Variants in MYH2 observed in about 807,000 individuals in gnomAD.
MYH2 encodes the protein myosin heavy chain 2.
MYH2 carries 139 observed loss-of-function variants against 228.1 expected under a neutral mutation model. That is an observed-to-expected ratio of 0.61 (90% confidence interval 0.53 to 0.70). MYH2 has a LOEUF of 0.70. Ranked by LOEUF, MYH2 falls within the 30% of genes least tolerant of loss-of-function variation. The probability of loss-of-function intolerance (pLI) is 0.00; values close to 1 mark genes in which losing one functional copy is unlikely to be tolerated. For synonymous variants in MYH2, 796 were observed against 871.1 expected (o/e 0.91, Z 1.52); for missense variants, 1,809 against 2,357.5 (o/e 0.77, Z 4.82).
rs1355007041 is a variant in MYH2 at position 10,521,201 on chromosome 17, A to G, written c.*79T>C. 2 of 1,532,812 alleles carry G rather than the reference A, an allele frequency of 1.3e-6. No individual in the cohort carries two copies. Among genetic ancestry groups the G allele is most frequent in the Non-Finnish European group, 1.8e-6 (2 of 1,108,310 alleles). The allele number at this position is 1,532,812 out of a possible 1,614,324, so 95.0% of individuals were successfully genotyped here. ...TTTCCTTTGCAACAGGGTAGAATAC[A>G]CAATAATTACAGAGGGAAATGACCA... On this transcript the variant is annotated 3_prime_UTR_variant, in exon 40 of 40. Transcript: ENST00000245503.
Position 10,524,233 on chromosome 17 carries a change from T to C in MYH2, c.5175+233A>G, listed in dbSNP as rs1310758146. ...TTGATAATGAGGGCCAATAAAGATATTAACACAATAGAATACGGGGGCAGC... is the reference window on the plus strand; with the variant it reads ...TTGATAATGAGGGCCAATAAAGATACTAACACAATAGAATACGGGGGCAGC... On this transcript the variant is annotated intron_variant, in intron 35 of 39. Coordinates refer to ENST00000245503, the MANE Select transcript of MYH2 (RefSeq NM_017534.6). This position sits in a 1 kb window ranked among gnomAD's most constrained non-coding sequence, Gnocchi z 4.7. 6.6e-6 allele frequency among the ~76,000 whole-genome samples: 1 copy of C among 152,142 alleles called. No homozygotes were observed. The highest frequency in any genetic ancestry group is 1.5e-5 in the Non-Finnish European group (1 of 68,024).
At position 10,537,353 on chromosome 17, in the gene MYH2, T is replaced by C; in HGVS notation, c.1777A>G (p.Ile593Val). Residue 593 changes from isoleucine (I) to valine (V), a missense_variant, in exon 16 of 40, where the codon ATT becomes GTT. Ile to Val is a conservative substitution (Grantham distance 29). Around this residue, in one of 9 missense-constraint regions of MYH2, gnomAD observed 41 missense variants for 35.1 expected, o/e 1.17. Transcript: ENST00000245503. This position sits in a 1 kb window ranked among gnomAD's most constrained non-coding sequence, Gnocchi z 4.0. ...IHYAGVVDYN[I>V]TGWLEKNKDP... ...TTGTTCTTCTCCAGCCAGCCAGTAA[T>C]GTTGTAGTCCACAACACCAGCATAG... is the stretch of plus-strand genomic sequence containing the variant. 10 of 1,614,220 alleles carry C rather than the reference T, an allele frequency of 6.2e-6. No homozygotes were observed. Among genetic ancestry groups the C allele is most frequent in the Non-Finnish European group, 8.5e-6 (10 of 1,180,046 alleles).
At chr17:10,536,438 C>A in intron 17 of MYH2, 92 bp downstream of exon 17, 1 of 1,031,924 alleles carries the variant, frequency 9.7e-7, no homozygotes, top group Non-Finnish European at 1.5e-6. Flanking sequence ...ATAAATATAT[C>A]CTTAGAACAA....
Position 10,533,327 on chromosome 17 carries a change from C to G in MYH2, c.2399G>C (p.Gly800Ala), listed in dbSNP as rs1270329583. The G allele has an allele frequency of 6.2e-7, 1 of 1,614,216 alleles. No homozygotes were observed. The highest frequency in any genetic ancestry group is 8.5e-7 in the Non-Finnish European group (1 of 1,180,024). The change falls in exon 21 of 40, where the codon GGG becomes GCG. Residue 800 changes from glycine to alanine, a missense_variant. By Grantham distance (60) the Gly-to-Ala change is moderately conservative. Around this residue, in one of 9 missense-constraint regions of MYH2, gnomAD observed 276 missense variants for 344.2 expected, o/e 0.80. Coordinates refer to ENST00000245503, the MANE Select transcript of MYH2 (RefSeq NM_017534.6). Reference protein sequence around the residue: ...LITRTQARCRGFLARVEYQRM... With the variant: ...LITRTQARCRAFLARVEYQRM... ...CTGGTACTCCACTCTTGCCAAGAAC[C>G]CTCTGCACCTGGCCTGGGTTCGGGT...
At position 10,524,726 on chromosome 17, in the gene MYH2, A is replaced by C. The variant is rs368674569; in HGVS notation, c.4971+31T>G. 1.2e-6 allele frequency: 2 copies of C among 1,614,214 alleles called. No homozygotes were observed. Among genetic ancestry groups the C allele is most frequent in the Non-Finnish European group, 1.7e-6 (2 of 1,180,036 alleles). ...TTCTCAGGGTTGCAGGCACCCCAAT[A>C]GTCCTGGGACCATCTCTTGGACATA... On this transcript the variant is annotated intron_variant, in intron 34 of 39. Transcript: ENST00000245503. The surrounding 1 kb of genome is among the most constrained non-coding windows in gnomAD (Gnocchi z 4.7).
chr17:10,538,477 T>TA (rs898917319), intron 14 of MYH2, among the ~76,000 whole-genome samples: 4 of 151,360 alleles, frequency 2.6e-5, no homozygotes, highest in East Asian at 1.9e-4. Context: ...TCGTCTCTAC[T>TA]AAAAAAAATA....
intron 17 of MYH2, among the ~76,000 whole-genome samples, chr17:10,535,821 A>T (rs1344957578): frequency 6.6e-6 from 1 of 152,194 alleles, no homozygotes; most frequent in Non-Finnish European, 1.5e-5. Context: ...GATAGAGATT[A>T]TCTACAGGGG....
In MYH2 at chr17:10,533,629, G is replaced by A. The variant is rs1381254716; in HGVS notation, c.2184C>T (p.Tyr728=). 1.2e-6 allele frequency: 2 copies of A among 1,614,054 alleles called. No homozygotes were observed. Among genetic ancestry groups the A allele is most frequent in the South Asian group, 1.1e-5 (1 of 91,076 alleles). ...RILYADFKQR[Y]KVLNASAIPE... ...GGATTGCACTTGCATTTAATACCTT[G>A]TATCTGTTGAAGTACATATAGCTTT... Residue 728 remains tyrosine, a synonymous_variant, in exon 20 of 40, where the codon TAC becomes TAT. Transcript: ENST00000245503.
Position 10,529,187 on chromosome 17 carries a change from A to G in MYH2, c.3329T>C (p.Leu1110Ser). Residue 1110 changes from leucine (L) to serine (S), a missense_variant, in exon 26 of 40, where the codon TTG becomes TCG. Physicochemically the swap from Leu to Ser is moderately radical, Grantham distance 145 (BLOSUM62 -2). This residue lies in a region of MYH2 where 636 missense variants were observed against 729.9 expected (regional missense o/e 0.87). Coordinates refer to ENST00000245503, the MANE Select transcript of MYH2 (RefSeq NM_017534.6). ...IEDEQALGIQ[L>S]QKKIKELQAR... ...TTGCAATTCTTTAATTTTCTTCTGC[A>G]ATTGAATGCCAAGTGCCTGTTCATC... 1 of 1,614,240 alleles carries G rather than the reference A, an allele frequency of 6.2e-7. No individual in the cohort carries two copies. The highest frequency in any genetic ancestry group is 8.5e-7 in the Non-Finnish European group (1 of 1,180,050).
At chr17:10,540,505 T>C (rs2073538295) in intron 11 of MYH2, 89 bp downstream of exon 11, 8 of 1,144,032 alleles carry the variant, frequency 7.0e-6, no homozygotes, top group Non-Finnish European at 1.0e-5. Context: ...AATCTTCTTT[T>C]GCCATTTCTA....
rs1411302335 is a variant in MYH2 at position 10,526,767 on chromosome 17, T to C, written c.4019A>G (p.Gln1340Arg). 1.2e-6 allele frequency: 2 copies of C among 1,614,132 alleles called. No individual in the cohort carries two copies. The highest frequency in any genetic ancestry group is 2.7e-5 in the African/African-American group (2 of 74,942). Residue 1340 changes from glutamine (Q) to arginine (R), a missense_variant, in exon 30 of 40, where the codon CAG becomes CGG. Coordinates refer to ENST00000245503, the MANE Select transcript of MYH2 (RefSeq NM_017534.6). ...CAGGTCACAGTCGTGGCGGGAAGAC[T>C]GCAGGGCATGCGCCAGGGCGTTCTT... is the stretch of plus-strand genomic sequence containing the variant. The part of the protein sequence containing the change: ...KAKNALAHAL[Q>R]SSRHDCDLLR...
intron 8 of MYH2, 64 bp from the exon 9 acceptor site, chr17:10,543,225 A>T: frequency 7.9e-7 from 1 of 1,257,994 alleles, no homozygotes; most frequent in Non-Finnish European, 1.1e-6. Flanking sequence ...GAGAAATTCC[A>T]AACATTTGAT....
chr17:10,547,477 A>T lies in MYH2; in HGVS notation c.346T>A (p.Tyr116Asn). Residue 116 changes from tyrosine (Y) to asparagine (N), a missense_variant and splice_region_variant, in exon 4 of 40, where the codon TAC becomes AAC. Coordinates refer to ENST00000245503, the MANE Select transcript of MYH2 (RefSeq NM_017534.6). ...LKERYAAWMI[Y>N]TYSGLFCVTV... ...GAGCACTGGCAGGGGACACTCACGTAGATCATCCAGGCTGCATAACGTTCT... is the reference window on the plus strand; with the variant it reads ...GAGCACTGGCAGGGGACACTCACGTTGATCATCCAGGCTGCATAACGTTCT... 6.2e-7 allele frequency: 1 copy of T among 1,614,184 alleles called. No homozygotes were observed. Among genetic ancestry groups the T allele is most frequent in the South Asian group, 1.1e-5 (1 of 91,078 alleles).
chr17:10,537,830 G>A lies in MYH2; in HGVS notation c.1422C>T (p.Asn474=). The A allele has an allele frequency of 6.2e-7, 1 of 1,614,158 alleles. No homozygotes were observed. The highest frequency in any genetic ancestry group is 8.5e-7 in the Non-Finnish European group (1 of 1,180,028). Residue 474 remains asparagine (N), a synonymous_variant, in exon 15 of 40, where the codon AAC becomes AAT. Coordinates refer to ENST00000245503, the MANE Select transcript of MYH2 (RefSeq NM_017534.6). The surrounding 1 kb of genome is among the most constrained non-coding windows in gnomAD (Gnocchi z 4.0). ...DIAGFEIFDF[N]SLEQLCINFT... ...AGTTGATGCACAGCTGCTCCAGGCT[G>A]TTGAACTAAATAAATAGATATGTTT...
rs778993350 is a variant in MYH2 at position 10,529,039 on chromosome 17, C to T, written c.3395G>A (p.Arg1132Gln). 1.8e-5 allele frequency: 29 copies of T among 1,614,112 alleles called. No individual in the cohort carries two copies. The highest frequency in any genetic ancestry group is 2.2e-5 in the East Asian group (1 of 44,892). The change falls in exon 27 of 40, where the codon CGG (arginine) becomes CAG (glutamine). Residue 1132 changes from arginine to glutamine, a missense_variant. Around this residue, in one of 9 missense-constraint regions of MYH2, gnomAD observed 636 missense variants for 729.9 expected, o/e 0.87. Transcript: ENST00000245503. Reference protein sequence around the residue: ...EELEEEIEAERASRAKAEKQR... With the variant: ...EELEEEIEAEQASRAKAEKQR... ...CTTCTCTGCTTTGGCCCGGGAGGCC[C>T]GCTCTGCCTCGATTTCCTCCTCCAG...
intron 10 of MYH2, among the ~76,000 whole-genome samples, chr17:10,541,551 C>T (rs1346972793): frequency 6.6e-6 from 1 of 152,138 alleles, no homozygotes; most frequent in African/African-American, 2.4e-5. Context: ...TAATTTCACC[C>T]CAGTCCTGTG....
chr17:10,543,095 T>C lies in MYH2; in HGVS notation c.805+3A>G. 1 of 1,610,660 alleles carries C rather than the reference T, an allele frequency of 6.2e-7. No individual in the cohort carries two copies. Among genetic ancestry groups the C allele is most frequent in the Non-Finnish European group, 8.5e-7 (1 of 1,177,116 alleles). ...ATGATTTTAAAGATATCTGAACACT[T>C]ACATGTTTCAATATCAGCAGATGCC... On this transcript the variant is annotated splice_donor_region_variant and intron_variant, in intron 9 of 39. Coordinates refer to ENST00000245503, the MANE Select transcript of MYH2 (RefSeq NM_017534.6).
Position 10,533,544 on chromosome 17 carries a change from T to C in MYH2, c.2269A>G (p.Ile757Val). Residue 757 changes from isoleucine to valine, a missense_variant, in exon 20 of 40, where the codon ATT becomes GTT. Around this residue, in one of 9 missense-constraint regions of MYH2, gnomAD observed 276 missense variants for 344.2 expected, o/e 0.80. Transcript: ENST00000245503. ...CCAAATTTATACTGGGTGTGGTCAA[T>C]GTCGATGGATGCAAGGAGCTTCTCA... The part of the protein sequence containing the change: ...ASEKLLASID[I>V]DHTQYKFGHT... 6 of 1,614,186 alleles carry C rather than the reference T, an allele frequency of 3.7e-6. No individual in the cohort carries two copies. The highest frequency in any genetic ancestry group is 5.1e-6 in the Non-Finnish European group (6 of 1,180,010).
intron 22 of MYH2, among the ~76,000 whole-genome samples, chr17:10,531,092 G>A (rs192741663): frequency 6.6e-6 from 1 of 152,324 alleles, no homozygotes; most frequent in East Asian, 1.9e-4. Flanking sequence ...TGCTGATGCA[G>A]CAATGTGGGT....
Sources: gnomAD v4.1 joint callset for allele counts (sites outside exome capture counted in the v4.1 genomes callset) on GRCh38, gnomAD v4.1.1 for gene constraint, gnomAD v4.1.1 regional missense constraint, Gnocchi (gnomAD v3.1) non-coding constraint, MANE v1.5 for transcripts, NCBI Gene and HGNC (gene_info 2026-07-23, HGNC 2026-07-21) for gene names.